Variants in RBBP5 observed in about 807,000 individuals in gnomAD.
RBBP5 encodes RB binding protein 5, histone lysine methyltransferase complex subunit, also known as retinoblastoma-binding protein 5.
A neutral mutation model predicts 72.2 loss-of-function variants in RBBP5; 5 were observed. The observed-to-expected ratio is 0.07, with a 90% CI of 0.04 to 0.15. The LOEUF (loss-of-function observed/expected upper bound fraction) is 0.15, where lower values mean the gene tolerates loss of function less well. RBBP5 is among the 10% of genes least tolerant of loss of function. RBBP5 has a pLI of 1.00. For missense variants in RBBP5, 322 were observed against 652.2 expected (o/e 0.49, Z 5.51); for synonymous variants, 209 against 237.2 (o/e 0.88, Z 1.09).
chr1:205,095,691 T>A (rs1269482559), intron 12 of RBBP5, among the ~76,000 whole-genome samples: 1 of 152,162 alleles, frequency 6.6e-6, no homozygotes, highest in Non-Finnish European at 1.5e-5. Flanking sequence ...ACCACTTCTG[T>A]GAGACTTTAG....
chr1:205,087,551 T>C lies in RBBP5; in HGVS notation c.*1236A>G, dbSNP rs1258916583. 32 of 116,052 alleles carry C rather than the reference T, an allele frequency of 2.8e-4. No individual in the cohort carries two copies. The highest frequency in any genetic ancestry group is 4.2e-4 in the Non-Finnish European group (25 of 59,612). 7.2% of individuals were successfully genotyped at this position (116,052 alleles called of 1,614,324 possible). On this transcript the variant is annotated 3_prime_UTR_variant, in exon 14 of 14. Coordinates refer to ENST00000264515, the MANE Select transcript of RBBP5 (RefSeq NM_005057.4). ...GTATTTAAATTCTCCTTTTAAAATA[T>C]TGAAAAAAAAAAAAAAAAAAAAAAG...
At chr1:205,116,214 T>C in intron 1 of RBBP5, 1 of 426,412 alleles carries the variant, frequency 2.3e-6, no homozygotes, top group Admixed American at 3.8e-5. Context: ...CAGTGGCATT[T>C]TCCTCACTAA....
chr1:205,100,141 G>A lies in RBBP5; in HGVS notation c.752+11C>T, dbSNP rs1367803281. 2 of 1,614,212 alleles carry A rather than the reference G, an allele frequency of 1.2e-6. No individual in the cohort carries two copies. Among genetic ancestry groups the A allele is most frequent in the East Asian group, 2.2e-5 (1 of 44,888 alleles). On this transcript the variant is annotated intron_variant, in intron 7 of 13. Transcript: ENST00000264515. ...GAATGATCACATATTCTTCTAGGTT[G>A]TGATACATACCTATTCACCAAATCC...
intron 3 of RBBP5, among the ~76,000 whole-genome samples, chr1:205,113,919 A>G (rs1445456360): frequency 6.6e-6 from 1 of 152,126 alleles, no homozygotes; most frequent in Non-Finnish European, 1.5e-5. Context: ...TCCTGACCTC[A>G]AGTGACCTAC....
Position 205,088,745 on chromosome 1 carries a change from C to CA in RBBP5, c.*41dup. 1 of 1,564,860 alleles carries CA rather than the reference C, an allele frequency of 6.4e-7. No homozygotes were observed. The highest frequency in any genetic ancestry group is 1.4e-5 in the African/African-American group (1 of 73,204). On this transcript the variant is annotated 3_prime_UTR_variant, in exon 14 of 14. Transcript: ENST00000264515. ...GACTGACCACAGTGTCCAGAGGCCA[C>CA]ATGATGGCAAAGTGAGAAAGAATGA...
rs748242982 is a variant in RBBP5, at chr1:205,094,870, T to C, written c.1588+3A>G. On this transcript the variant is annotated splice_donor_region_variant and intron_variant, in intron 13 of 13. Coordinates refer to ENST00000264515, the MANE Select transcript of RBBP5 (RefSeq NM_005057.4). ...CCAGACAATGCTCCCAATGTGTCCTTACCTGTCAAGGGCTGGCTGAGTTCC... is the reference window on the plus strand; with the variant it reads ...CCAGACAATGCTCCCAATGTGTCCTCACCTGTCAAGGGCTGGCTGAGTTCC... 13 of 1,612,922 alleles carry C rather than the reference T, an allele frequency of 8.1e-6. No homozygotes were observed. The highest frequency in any genetic ancestry group is 1.1e-5 in the Non-Finnish European group (13 of 1,179,292).
intron 13 of RBBP5, among the ~76,000 whole-genome samples, chr1:205,093,215 T>TCTGGGAG (rs772875625): frequency 1.1e-3 from 160 of 151,528 alleles, no homozygotes; most frequent in Non-Finnish European, 1.8e-3. Context: ...ATCCCAGTAC[T>TCTGGGAG]CTGGGAAGCT....
chr1:205,098,869 G>A, intron 10 of RBBP5, 120 bp downstream of exon 10: 1 of 574,768 alleles, frequency 1.7e-6, no homozygotes, highest in Non-Finnish European at 2.9e-6. Context: ...AAAAAAGTGT[G>A]GGGTGGAGGG....
intron 13 of RBBP5, among the ~76,000 whole-genome samples, chr1:205,092,415 C>T (rs1021759613): frequency 2.0e-5 from 3 of 151,916 alleles, no homozygotes; most frequent in African/African-American, 7.3e-5. Context: ...TCCCCAAGTG[C>T]TGGGATTACA....
In RBBP5 at chr1:205,103,985, G is replaced by A; in HGVS notation, c.394C>T (p.Pro132Ser). The change falls in exon 5 of 14, where the codon CCT (proline) becomes TCT (serine). Residue 132 changes from proline (P) to serine (S), a missense_variant. This residue lies in a region of RBBP5 where 161 missense variants were observed against 327.8 expected (regional missense o/e 0.49). Transcript: ENST00000264515. ...GAATCTGAAAGGGTCAACATGACAGGAGCAGATTTCATGGGACACACGAGA... is the reference window on the plus strand; with the variant it reads ...GAATCTGAAAGGGTCAACATGACAGAAGCAGATTTCATGGGACACACGAGA... ...KVLVCPMKSA[P>S]VMLTLSDSKH... is the part of the protein sequence containing the mutation. The A allele has an allele frequency of 6.2e-7, 1 of 1,614,026 alleles. No individual in the cohort carries two copies. Among genetic ancestry groups the A allele is most frequent in the Non-Finnish European group, 8.5e-7 (1 of 1,179,922 alleles).
At position 205,101,728 on chromosome 1, in the gene RBBP5, G is replaced by T; in HGVS notation, c.523-19C>A. On this transcript the variant is annotated intron_variant, in intron 5 of 13. Transcript: ENST00000264515. Reference sequence around the variant, plus strand: ...CCAAAATCTAAAGTTTAAAGGAGGGGGGAAAAAAGTAAGTGTTCCAATAAC... The same window carrying T: ...CCAAAATCTAAAGTTTAAAGGAGGGTGGAAAAAAGTAAGTGTTCCAATAAC... The T allele has an allele frequency of 6.5e-7, 1 of 1,544,360 alleles. No individual in the cohort carries two copies. Among genetic ancestry groups the T allele is most frequent in the Non-Finnish European group, 8.9e-7 (1 of 1,121,708 alleles).
At chr1:205,111,130 T>C (rs1251773441) in intron 3 of RBBP5, among the ~76,000 whole-genome samples, 2 of 152,226 alleles carry the variant, frequency 1.3e-5, no homozygotes, top group Non-Finnish European at 2.9e-5. Context: ...TTTAAAATAT[T>C]AAAAATGTTG....
At chr1:205,111,041 G>A (rs548309049) in intron 3 of RBBP5, among the ~76,000 whole-genome samples, 2 of 152,156 alleles carry the variant, frequency 1.3e-5, no homozygotes, top group African/African-American at 4.8e-5. Context: ...TCCAGCCTGG[G>A]TGACAGAGCA....
chr1:205,097,235 A>C (rs1303084936), intron 11 of RBBP5, 91 bp downstream of exon 11: 1 of 1,230,786 alleles, frequency 8.1e-7, no homozygotes, highest in African/African-American at 1.5e-5. Flanking sequence ...AGCAGACGGG[A>C]ATGAAGGGAT....
rs1457195905 is a variant in RBBP5 at position 205,086,646 on chromosome 1, TAGA to T, written c.*2138_*2140del. On this transcript the variant is annotated 3_prime_UTR_variant, in exon 14 of 14. Coordinates refer to ENST00000264515, the MANE Select transcript of RBBP5 (RefSeq NM_005057.4). ...ATCAAATAATTCAAATTGAAATGGA[TAGA>T]AGGTTTTTTAAAAGTTGAAAAAAAA... The T allele has an allele frequency of 6.6e-6, 1 of 152,212 alleles. No homozygotes were observed. The highest frequency in any genetic ancestry group is 2.4e-5 in the African/African-American group (1 of 41,522). 9.4% of individuals were successfully genotyped at this position (152,212 alleles called of 1,614,324 possible).
At chr1:205,095,150 C>T (rs1173846207) in intron 12 of RBBP5, 86 bp from the exon 13 acceptor site, 32 of 1,255,612 alleles carry the variant, frequency 2.5e-5, no homozygotes, top group Non-Finnish European at 3.4e-5. Context: ...AAGAATGTTG[C>T]TTTGTGTCCC....
chr1:205,104,124 C>A, intron 4 of RBBP5, 105 bp from the exon 5 acceptor site: 2 of 1,218,010 alleles, frequency 1.6e-6, no homozygotes, highest in Admixed American at 4.4e-5. Context: ...AATTCTCCCA[C>A]CCAAGCAAAT....
Position 205,101,169 on chromosome 1 carries a change from G to C in RBBP5, c.632+431C>G, listed in dbSNP as rs151220232. 1.1e-3 allele frequency among the ~76,000 whole-genome samples: 165 copies of C among 152,288 alleles called. 1 individual carries two copies. Among genetic ancestry groups the C allele is most frequent in the African/African-American group, 3.7e-3 (155 of 41,566 alleles). Reference sequence around the variant, plus strand: ...AGGACTATTACCTCTTACTGACAACGTATTTCCTATTTCTGTTGATATATT... The same window carrying C: ...AGGACTATTACCTCTTACTGACAACCTATTTCCTATTTCTGTTGATATATT... On this transcript the variant is annotated intron_variant, in intron 6 of 13. Coordinates refer to ENST00000264515, the MANE Select transcript of RBBP5 (RefSeq NM_005057.4).
intron 4 of RBBP5, 81 bp downstream of exon 4, chr1:205,104,947 A>G (rs1351455456): frequency 6.6e-7 from 1 of 1,506,240 alleles, no homozygotes; most frequent in Non-Finnish European, 9.1e-7. Context: ...TTCTAAAACC[A>G]TAAACTAAAA....
Sources: gnomAD v4.1 joint callset for allele counts (sites outside exome capture counted in the v4.1 genomes callset) on GRCh38, gnomAD v4.1.1 for gene constraint, gnomAD v4.1.1 regional missense constraint, MANE v1.5 for transcripts, NCBI Gene and HGNC (gene_info 2026-07-23, HGNC 2026-07-21) for gene names.